KIF4A: variants seen among roughly 807,000 people sequenced by gnomAD.
KIF4A encodes kinesin family member 4A.
Under a neutral mutation model 105.9 loss-of-function variants are expected in KIF4A, and 7 were observed. That is an observed-to-expected ratio of 0.07 (90% CI 0.04 to 0.12). The LOEUF (loss-of-function observed/expected upper bound fraction) is 0.12. Ranked by LOEUF, KIF4A falls within the 10% of genes least tolerant of loss-of-function variation. KIF4A has a pLI of 1.00. For missense variants in KIF4A, 558 were observed against 929.2 expected, an observed-to-expected ratio of 0.60 and a Z score of 5.19; for synonymous variants, 281 against 331.3, an observed-to-expected ratio of 0.85 and a Z score of 1.65.
chrX:70,416,215 A>G (rs772854869), intron 28 of KIF4A, among the ~76,000 whole-genome samples: 4 of 109,630 alleles, frequency 3.6e-5, no homozygotes, highest in African/African-American at 1.3e-4. Flanking sequence ...GTACAATGAA[A>G]TAATTACTCC....
At chrX:70,407,242 G>A (rs1425543526) in intron 28 of KIF4A, among the ~76,000 whole-genome samples, 167 bp downstream of exon 28, 1 of 110,998 alleles carries the variant, frequency 9.0e-6, no homozygotes, top group African/African-American at 3.3e-5. Context: ...TGAGTACCTG[G>A]GATCACAGGC....
intron 13 of KIF4A, among the ~76,000 whole-genome samples, chrX:70,344,229 T>C (rs1250893726): frequency 8.9e-6 from 1 of 112,370 alleles, no homozygotes; most frequent in African/African-American, 3.2e-5. Context: ...AACATAGCAG[T>C]GCAAAATTGC....
At chrX:70,380,408 CAGT>C (rs1178659059) in intron 18 of KIF4A, among the ~76,000 whole-genome samples, 1 of 111,897 alleles carries the variant, frequency 8.9e-6, no homozygotes, top group Non-Finnish European at 1.9e-5. Context: ...TATACTGTAT[CAGT>C]AGGAAAAAGG....
chrX:70,364,883 G>T (rs145700596), intron 15 of KIF4A, among the ~76,000 whole-genome samples: 40,996 of 110,593 alleles, frequency 0.37, 6,921 homozygotes, highest in Non-Finnish European at 0.51. Context: ...AGCATGGAAT[G>T]TTCTTCCATT....
In KIF4A at chrX:70,318,089, G is replaced by A. The variant is rs185330751; in HGVS notation, c.779-11316G>A. On this transcript the variant is annotated intron_variant, in intron 7 of 30. Coordinates refer to ENST00000374403, the MANE Select transcript of KIF4A (RefSeq NM_012310.5). ...GATGGGGTTTCACCATGTTGACCAG[G>A]CTGGTCTTGAACTCCTGACCTCAGG... Among the ~76,000 whole-genome samples, 231 of 110,740 alleles carry A rather than the reference G, an allele frequency of 2.1e-3. 2 individuals are homozygous for A. Among genetic ancestry groups the A allele is most frequent in the Admixed American group, 5.5e-3 (58 of 10,478 alleles).
At chrX:70,322,494 G>A (rs921777529) in intron 7 of KIF4A, among the ~76,000 whole-genome samples, 7 of 107,747 alleles carry the variant, frequency 6.5e-5, no homozygotes, top group Non-Finnish European at 1.2e-4. Context: ...TGTATTTTTA[G>A]TAGAGATGGG....
intron 10 of KIF4A, among the ~76,000 whole-genome samples, chrX:70,339,729 A>G (rs1311113698): frequency 1.8e-5 from 2 of 112,297 alleles, no homozygotes; most frequent in African/African-American, 3.2e-5. Flanking sequence ...TTGTTTTTTA[A>G]CATGTCATTG....
chrX:70,306,477 A>T (rs2085827375), intron 7 of KIF4A, among the ~76,000 whole-genome samples: 1 of 112,611 alleles, frequency 8.9e-6, no homozygotes, highest in Non-Finnish European at 1.9e-5. Context: ...CTTTCAATGT[A>T]TGAACATCAG....
intron 15 of KIF4A, among the ~76,000 whole-genome samples, chrX:70,371,679 C>T (rs746023136): frequency 7.5e-4 from 80 of 106,260 alleles, no homozygotes; most frequent in Middle Eastern, 4.5e-3. Flanking sequence ...CCCTCCCGGA[C>T]GGGACGGCTG....
rs2085923758 is a variant in KIF4A at position 70,329,832 on chromosome X, T to C, written c.895+311T>C. ...AGCAGAATTCCCTGGAGAGTTAAAA[T>C]CCACCTAGAGGGGGCATCCTAAGAA... On this transcript the variant is annotated intron_variant, in intron 8 of 30. Coordinates refer to ENST00000374403, the MANE Select transcript of KIF4A (RefSeq NM_012310.5). 2.7e-5 allele frequency among the ~76,000 whole-genome samples: 3 copies of C among 111,638 alleles called. No homozygotes were observed. The Admixed American group carries it at 2.9e-4, about 11-fold the overall frequency.
chrX:70,407,280 T>G (rs917593923), intron 28 of KIF4A, among the ~76,000 whole-genome samples: 1 of 111,407 alleles, frequency 9.0e-6, no homozygotes, highest in Non-Finnish European at 1.9e-5. Context: ...GTTAATTTTG[T>G]ATTTTTAGTA....
intron 15 of KIF4A, among the ~76,000 whole-genome samples, chrX:70,363,957 T>C (rs1379997860): frequency 2.7e-5 from 3 of 112,379 alleles, no homozygotes; most frequent in African/African-American, 9.7e-5. Context: ...TGGTATCTCA[T>C]TGTGGTTTTG....
At chrX:70,374,536 C>T (rs1031833786) in intron 16 of KIF4A, among the ~76,000 whole-genome samples, 1 of 111,723 alleles carries the variant, frequency 9.0e-6, no homozygotes, top group African/African-American at 3.2e-5. Context: ...TCAATTCAGG[C>T]TACCATGATC....
intron 22 of KIF4A, among the ~76,000 whole-genome samples, chrX:70,402,035 G>A (rs964869933): frequency 8.9e-6 from 1 of 111,755 alleles, no homozygotes; most frequent in Non-Finnish European, 1.9e-5. Context: ...ACCAGGGTCA[G>A]AATATCTAGT....
intron 7 of KIF4A, among the ~76,000 whole-genome samples, chrX:70,318,848 C>T (rs1306453359): frequency 3.6e-5 from 4 of 112,306 alleles, no homozygotes; most frequent in East Asian, 5.6e-4. Flanking sequence ...TCTTAATATA[C>T]TATAGATTCT....
At chrX:70,347,156 C>T (rs1294011203) in intron 13 of KIF4A, among the ~76,000 whole-genome samples, 1 of 111,925 alleles carries the variant, frequency 8.9e-6, no homozygotes, top group African/African-American at 3.2e-5. Context: ...CCATAAAAAG[C>T]ATTTTGCATG....
At chrX:70,407,500 C>T (rs2086305029) in intron 28 of KIF4A, among the ~76,000 whole-genome samples, 1 of 111,432 alleles carries the variant, frequency 9.0e-6, no homozygotes, top group Non-Finnish European at 1.9e-5. Flanking sequence ...TGGCCCCATA[C>T]CCTTTAGCTA....
intron 3 of KIF4A, among the ~76,000 whole-genome samples, chrX:70,293,873 A>G (rs6625594): frequency 0.017 from 1,879 of 112,302 alleles, 37 homozygotes; most frequent in African/African-American, 0.057. Context: ...ACATTATTGT[A>G]TACTACTGTA....
chrX:70,366,041 A>T (rs1427998396), intron 15 of KIF4A, among the ~76,000 whole-genome samples: 1 of 111,543 alleles, frequency 9.0e-6, no homozygotes, highest in Non-Finnish European at 1.9e-5. Context: ...AGAGGTGTTT[A>T]TAGTATTCTC....
Sources: allele counts gnomAD v4.1 joint callset (sites outside exome capture counted in the v4.1 genomes callset), GRCh38; gene constraint gnomAD v4.1.1; transcripts MANE v1.5; gene names NCBI Gene and HGNC (gene_info 2026-07-23, HGNC 2026-07-21).